ROBO1: variants seen among roughly 807,000 people sequenced by gnomAD.
ROBO1 encodes the protein roundabout homolog 1.
ROBO1 carries 149 observed loss-of-function variants against 195.9 expected under a neutral mutation model. The ratio of observed to expected loss-of-function variants is 0.76; its 90% CI spans 0.67 to 0.87. ROBO1 has a LOEUF of 0.87. Among genes scored for constraint, ROBO1 ranks in the 40% least tolerant of loss-of-function variants. ROBO1 has a pLI of 0.00. For synonymous variants in ROBO1, 816 were observed against 733.2 expected (o/e 1.11, Z -1.82); for missense variants, 1,933 against 2,068.3 (o/e 0.93, Z 1.27).
At chr3:79,009,447 C>T (rs2077721390) in intron 3 of ROBO1, among the ~76,000 whole-genome samples, 1 of 152,158 alleles carries the variant, frequency 6.6e-6, no homozygotes, top group Admixed American at 6.5e-5. Flanking sequence ...ATCCCATCTA[C>T]ATATTTGGAA....
rs145553337 is a variant in ROBO1 at position 79,733,634 on chromosome 3, C to T, written c.-51+34118G>A. Among the ~76,000 whole-genome samples the T allele has an allele frequency of 4.3e-3, 656 of 152,308 alleles. 2 individuals carry two copies. Among genetic ancestry groups the T allele is most frequent in the African/African-American group, 0.015 (623 of 41,578 alleles). ...TTATTCCTCTGGCTCCCACCATCCT[C>T]TTCACTTCAGGTGTAGGTCTGGATG... On this transcript the variant is annotated intron_variant, in intron 1 of 30. Transcript: ENST00000464233.
intron 1 of ROBO1, among the ~76,000 whole-genome samples, chr3:79,720,240 T>C (rs6767016): frequency 0.012 from 1,895 of 152,236 alleles, 39 homozygotes; most frequent in African/African-American, 0.044. Context: ...CTTGGCCTCA[T>C]GGACCAACGG....
intron 2 of ROBO1, among the ~76,000 whole-genome samples, chr3:79,546,395 G>T (rs562269537): frequency 1.3e-5 from 2 of 152,138 alleles, no homozygotes; most frequent in South Asian, 4.1e-4. Flanking sequence ...GTTGTTCAAA[G>T]GTTAAATGTA....
At chr3:78,789,400 A>T (rs1481225845) in intron 4 of ROBO1, among the ~76,000 whole-genome samples, 1 of 152,184 alleles carries the variant, frequency 6.6e-6, no homozygotes, top group Non-Finnish European at 1.5e-5. Context: ...AAGAATGAGG[A>T]CTTTTCCATA....
intron 3 of ROBO1, among the ~76,000 whole-genome samples, chr3:79,049,754 A>T (rs185118640): frequency 6.6e-6 from 1 of 152,178 alleles, no homozygotes; most frequent in East Asian, 1.9e-4. Flanking sequence ...CAACATTCTT[A>T]AAGAAATGAA....
At chr3:79,107,542 G>A (rs774887925) in intron 3 of ROBO1, among the ~76,000 whole-genome samples, 1 of 151,638 alleles carries the variant, frequency 6.6e-6, no homozygotes, top group Non-Finnish European at 1.5e-5. Flanking sequence ...TTATGTGTGT[G>A]AATTCTTTTT....
chr3:79,304,341 C>T (rs533223842), intron 2 of ROBO1, among the ~76,000 whole-genome samples: 1 of 152,158 alleles, frequency 6.6e-6, no homozygotes, highest in South Asian at 2.1e-4. Context: ...AAAAATTCTA[C>T]CTTTCAGTTA....
intron 1 of ROBO1, among the ~76,000 whole-genome samples, chr3:79,623,863 CA>C (rs1945086147): frequency 6.6e-6 from 1 of 152,056 alleles, no homozygotes; most frequent in Non-Finnish European, 1.5e-5. Context: ...TAAGACACTC[CA>C]TGAGAAGATC....
intron 3 of ROBO1, among the ~76,000 whole-genome samples, chr3:78,943,914 G>A (rs1369682356): frequency 2.0e-5 from 3 of 152,134 alleles, no homozygotes; most frequent in Non-Finnish European, 4.4e-5. Context: ...TCAGAGTGAT[G>A]ATTTATGAGT....
intron 2 of ROBO1, among the ~76,000 whole-genome samples, chr3:79,292,484 GC>G (rs1178048452): frequency 6.6e-6 from 1 of 152,158 alleles, no homozygotes; most frequent in Non-Finnish European, 1.5e-5. Context: ...TCCAGCTTTT[GC>G]CCATTCAGTA....
At chr3:78,878,599 A>C (rs977647411) in intron 4 of ROBO1, among the ~76,000 whole-genome samples, 317 of 151,294 alleles carry the variant, frequency 2.1e-3, no homozygotes, top group African/African-American at 7.2e-3. Context: ...AAAAAAAAAA[A>C]AAAAAAAAAC....
chr3:78,834,757 T>G (rs2106655483), intron 4 of ROBO1, among the ~76,000 whole-genome samples: 1 of 152,150 alleles, frequency 6.6e-6, no homozygotes, highest in East Asian at 1.9e-4. Context: ...GGTTTTCAAC[T>G]GAAGTAGCCA....
At chr3:79,408,368 A>G (rs116067682) in intron 2 of ROBO1, among the ~76,000 whole-genome samples, 248 of 152,198 alleles carry the variant, frequency 1.6e-3, no homozygotes, top group African/African-American at 5.8e-3. Context: ...TTATCTTTAT[A>G]TATTATTTAA....
At chr3:78,749,516 C>T (rs1183705113) in intron 4 of ROBO1, among the ~76,000 whole-genome samples, 1 of 152,124 alleles carries the variant, frequency 6.6e-6, no homozygotes, top group Admixed American at 6.6e-5. Flanking sequence ...TTGCCCATGA[C>T]TATGGCAATT....
At chr3:78,968,271 C>CT (rs35361494) in intron 3 of ROBO1, among the ~76,000 whole-genome samples, 2,083 of 119,414 alleles carry the variant, frequency 0.017, 38 homozygotes, top group African/African-American at 0.049. Flanking sequence ...TGTATAGATT[C>CT]TTTTTTTTTT....
Position 78,987,649 on chromosome 3 carries a change from T to G in ROBO1, c.173-48722A>C, listed in dbSNP as rs185229590. On this transcript the variant is annotated intron_variant, in intron 3 of 30. Transcript: ENST00000464233. ...AGGGGAGGTGGAGATGGTGAATGGG[T>G]ACCAAAAAAATAGTTAGAAAGAATG... 7.0e-3 allele frequency among the ~76,000 whole-genome samples: 1,050 copies of G among 149,514 alleles called. 9 individuals carry two copies. Among genetic ancestry groups the G allele is most frequent in the Middle Eastern group, 0.041 (12 of 290 alleles).
At chr3:79,008,933 G>GTGTGTGTGTGTGT (rs1341553693) in intron 3 of ROBO1, among the ~76,000 whole-genome samples, 1 of 139,348 alleles carries the variant, frequency 7.2e-6, no homozygotes, top group Admixed American at 7.3e-5. Flanking sequence ...GTGTGTGTAT[G>GTGTGTGTGTGTGT]GTTTTGTTTT....
chr3:79,080,892 T>C (rs2079260792), intron 3 of ROBO1, among the ~76,000 whole-genome samples: 1 of 152,108 alleles, frequency 6.6e-6, no homozygotes, highest in Non-Finnish European at 1.5e-5. Context: ...TGGCAGTTTA[T>C]CTTGGGATAT....
intron 4 of ROBO1, among the ~76,000 whole-genome samples, chr3:78,871,931 C>T (rs1378180288): frequency 6.6e-6 from 1 of 152,020 alleles, no homozygotes; most frequent in Non-Finnish European, 1.5e-5. Flanking sequence ...TTAAAACACA[C>T]AATAAAAATG....
Sources: allele counts gnomAD v4.1 joint callset (sites outside exome capture counted in the v4.1 genomes callset), GRCh38; gene constraint gnomAD v4.1.1; transcripts MANE v1.5; gene names NCBI Gene and HGNC (gene_info 2026-07-23, HGNC 2026-07-21).